Variants in RIN3 observed in about 807,000 individuals in gnomAD.
RIN3 encodes Ras and Rab interactor 3, also known as RAB5 interacting protein 3.
A neutral mutation model predicts 76.3 loss-of-function variants in RIN3; 54 were observed. The ratio of observed to expected loss-of-function variants is 0.71; its 90% confidence interval spans 0.57 to 0.89. RIN3 has a LOEUF of 0.89. RIN3 is among the 40% of genes least tolerant of loss of function. RIN3 has a pLI of 0.00. For missense variants in RIN3, 1,256 were observed against 1,322.1 expected, an observed-to-expected ratio of 0.95 and a Z score of 0.78; for synonymous variants, 576 against 564.0, an observed-to-expected ratio of 1.02 and a Z score of -0.30.
chr14:92,529,761 G>A (rs953313290), intron 1 of RIN3, among the ~76,000 whole-genome samples: 6 of 152,040 alleles, frequency 3.9e-5, no homozygotes, highest in Admixed American at 3.9e-4. Flanking sequence ...TTTAGGATCC[G>A]AAGCGTAGTG....
At chr14:92,669,796 C>G (rs1047579529) in intron 7 of RIN3, among the ~76,000 whole-genome samples, 1 of 152,196 alleles carries the variant, frequency 6.6e-6, no homozygotes, top group Non-Finnish European at 1.5e-5. Flanking sequence ...GCATCTAGGG[C>G]TGCTTATGTT....
intron 4 of RIN3, among the ~76,000 whole-genome samples, chr14:92,620,860 T>C (rs981961382): frequency 6.6e-6 from 1 of 152,156 alleles, no homozygotes; most frequent in African/African-American, 2.4e-5. Flanking sequence ...ATTAAGAAAT[T>C]GACTTTAGGC....
chr14:92,580,230 G>A (rs1042966410), intron 3 of RIN3, among the ~76,000 whole-genome samples: 8 of 152,232 alleles, frequency 5.3e-5, no homozygotes, highest in African/African-American at 1.9e-4. Context: ...TTAGCTGGGT[G>A]TGGTGGCATG....
At chr14:92,661,823 T>C (rs1887898786) in intron 7 of RIN3, among the ~76,000 whole-genome samples, 1 of 152,056 alleles carries the variant, frequency 6.6e-6, no homozygotes, top group African/African-American at 2.4e-5. Context: ...ATTAACACTT[T>C]ATCCTGATGT....
At chr14:92,595,077 T>G (rs1345139152) in intron 3 of RIN3, among the ~76,000 whole-genome samples, 1 of 152,224 alleles carries the variant, frequency 6.6e-6, no homozygotes, top group South Asian at 2.1e-4. Flanking sequence ...TTCATGCATA[T>G]AGGTAACTAG....
At chr14:92,560,496 A>C (rs1350708516) in intron 2 of RIN3, among the ~76,000 whole-genome samples, 1 of 152,142 alleles carries the variant, frequency 6.6e-6, no homozygotes, top group Non-Finnish European at 1.5e-5. Context: ...GAGTTGCTAT[A>C]TGCATGATCT....
intron 1 of RIN3, among the ~76,000 whole-genome samples, chr14:92,518,722 C>CT (rs1490647454): frequency 6.6e-6 from 1 of 151,576 alleles, no homozygotes; most frequent in African/African-American, 2.4e-5. Flanking sequence ...TGGGGGAGCC[C>CT]TGGGGCATCA....
At chr14:92,556,683 C>T (rs1269756405) in intron 2 of RIN3, among the ~76,000 whole-genome samples, 1 of 152,154 alleles carries the variant, frequency 6.6e-6, no homozygotes, top group Non-Finnish European at 1.5e-5. Context: ...GTTCCTTTCA[C>T]CTCCCACACA....
chr14:92,589,943 AT>A (rs766548883), intron 3 of RIN3, among the ~76,000 whole-genome samples: 2 of 152,210 alleles, frequency 1.3e-5, no homozygotes, highest in African/African-American at 2.4e-5. Context: ...TGCCCCCAAA[AT>A]TGGAGAGACT....
In RIN3 at chr14:92,651,844, C is replaced by T. The variant is rs772709606; in HGVS notation, c.795C>T (p.Thr265=). Residue 265 remains threonine, a synonymous_variant, in exon 6 of 10, where the codon ACC becomes ACT. Transcript: ENST00000216487. Reference sequence around the variant, plus strand: ...GCCCTGCACGCCCTTTGCCGCCCACCTCTGATGCCACCTCACCCACCTCCA... The same window carrying T: ...GCCCTGCACGCCCTTTGCCGCCCACTTCTGATGCCACCTCACCCACCTCCA... ...GNCPARPLPP[T]SDATSPTSRW... is the part of the protein sequence containing the mutation. 1.2e-6 allele frequency: 2 copies of T among 1,611,640 alleles called. No homozygotes were observed. The highest frequency in any genetic ancestry group is 2.2e-5 in the South Asian group (2 of 90,918).
rs377093219 is a variant in RIN3 at position 92,568,689 on chromosome 14, C to T, written c.250-8671C>T. Among the ~76,000 whole-genome samples the T allele has an allele frequency of 1.1e-3, 161 of 152,358 alleles. No individual in the cohort carries two copies. Among genetic ancestry groups the T allele is most frequent in the African/African-American group, 3.7e-3 (154 of 41,586 alleles). On this transcript the variant is annotated intron_variant, in intron 2 of 9. Coordinates refer to ENST00000216487, the MANE Select transcript of RIN3 (RefSeq NM_024832.5). This position sits in a 1 kb window ranked among gnomAD's most constrained non-coding sequence, Gnocchi z 4.2. ...CTGGAGCCATGCCAAACTCAGAGTC[C>T]GTCCCTGCCCCACTCTCCATCGTGA...
chr14:92,626,613 C>T (rs762427839), intron 4 of RIN3, among the ~76,000 whole-genome samples: 1 of 152,066 alleles, frequency 6.6e-6, no homozygotes, highest in African/African-American at 2.4e-5. Context: ...CTTAGGCTGA[C>T]AAGGAACAGA....
chr14:92,614,799 T>TTATA (rs144127255), intron 3 of RIN3, among the ~76,000 whole-genome samples: 42 of 103,400 alleles, frequency 4.1e-4, no homozygotes, highest in Middle Eastern at 4.3e-3. Flanking sequence ...TTAAACCTCT[T>TTATA]TATATATATA....
intron 6 of RIN3, among the ~76,000 whole-genome samples, chr14:92,658,866 CAT>C (rs1887770252): frequency 6.6e-6 from 1 of 152,218 alleles, no homozygotes; most frequent in Admixed American, 6.5e-5. Context: ...GTTATGTACT[CAT>C]AGGCAGCCTT....
rs1887421866 is a variant in RIN3, at chr14:92,651,562, C to T, written c.533-20C>T. On this transcript the variant is annotated intron_variant, in intron 5 of 9. Coordinates refer to ENST00000216487, the MANE Select transcript of RIN3 (RefSeq NM_024832.5). Reference sequence around the variant, plus strand: ...GTCCCTGGCACAGACTGACCCCCTGCCCCTCTCTTGCTTCCACAGGTTTCT... The same window carrying T: ...GTCCCTGGCACAGACTGACCCCCTGTCCCTCTCTTGCTTCCACAGGTTTCT... 6.4e-7 allele frequency: 1 copy of T among 1,564,432 alleles called. No individual in the cohort carries two copies. The highest frequency in any genetic ancestry group is 1.4e-5 in the African/African-American group (1 of 73,506).
intron 3 of RIN3, among the ~76,000 whole-genome samples, chr14:92,613,301 G>A (rs1190252671): frequency 3.3e-5 from 5 of 152,160 alleles, no homozygotes; most frequent in South Asian, 2.1e-4. Context: ...GCACTGGGAC[G>A]CTCGGGGCAT....
Position 92,685,066 on chromosome 14 carries a change from G to T in RIN3, c.2547G>T (p.Leu849=). The part of the protein sequence containing the change: ...SYDKITVTRQ[L]SVEVQDSIHR... Reference sequence around the variant, plus strand: ...ACAAGATCACGGTGACCCGGCAGCTGAGTGTGGAGGTGCAGGACTCCATCC... The same window carrying T: ...ACAAGATCACGGTGACCCGGCAGCTTAGTGTGGAGGTGCAGGACTCCATCC... The change falls in exon 9 of 10, where the codon CTG becomes CTT. Residue 849 remains leucine, a synonymous_variant. Coordinates refer to ENST00000216487, the MANE Select transcript of RIN3 (RefSeq NM_024832.5). The surrounding 1 kb of genome is among the most constrained non-coding windows in gnomAD (Gnocchi z 4.7). The T allele has an allele frequency of 1.9e-6, 3 of 1,613,998 alleles. No homozygotes were observed. The highest frequency in any genetic ancestry group is 2.5e-6 in the Non-Finnish European group (3 of 1,179,986).
At chr14:92,597,259 T>C (rs1885182506) in intron 3 of RIN3, among the ~76,000 whole-genome samples, 1 of 152,220 alleles carries the variant, frequency 6.6e-6, no homozygotes, top group African/African-American at 2.4e-5. Context: ...AATCAGGGCA[T>C]GATAGGACAC....
chr14:92,572,346 G>A (rs1898083663), intron 2 of RIN3, among the ~76,000 whole-genome samples: 1 of 152,234 alleles, frequency 6.6e-6, no homozygotes, highest in Non-Finnish European at 1.5e-5. Flanking sequence ...TCCTATACAA[G>A]TTACACTCCG....
Sources: allele counts gnomAD v4.1 joint callset (sites outside exome capture counted in the v4.1 genomes callset), GRCh38; gene constraint gnomAD v4.1.1; non-coding constraint Gnocchi (gnomAD v3.1); transcripts MANE v1.5; gene names NCBI Gene and HGNC (gene_info 2026-07-23, HGNC 2026-07-21).